The following KCTD8 variants were observed in gnomAD, a reference collection of about 807,000 sequenced individuals.
KCTD8 encodes the protein BTB/POZ domain-containing protein KCTD8.
Under a neutral mutation model 31.5 loss-of-function variants are expected in KCTD8, and 27 were observed. The observed-to-expected ratio is 0.86, with a 90% CI of 0.63 to 1.18. The LOEUF (loss-of-function observed/expected upper bound fraction) is 1.18, where lower values mean the gene tolerates loss of function less well. KCTD8 is among the 50% of genes most tolerant of loss of function. The pLI, the probability that KCTD8 is intolerant of heterozygous loss-of-function variation, is 0.00. For synonymous variants in KCTD8, 290 were observed against 280.0 expected, an observed-to-expected ratio of 1.04 and a Z score of -0.36; for missense variants, 658 against 647.7, an observed-to-expected ratio of 1.02 and a Z score of -0.17.
chr4:44,431,074 T>C (rs1208725214), intron 1 of KCTD8, among the ~76,000 whole-genome samples: 2 of 151,626 alleles, frequency 1.3e-5, no homozygotes, highest in Non-Finnish European at 3.0e-5. Flanking sequence ...TAACTTACAA[T>C]AGCAATAAAA....
At chr4:44,347,949 A>G (rs2109422824) in intron 1 of KCTD8, among the ~76,000 whole-genome samples, 1 of 152,260 alleles carries the variant, frequency 6.6e-6, no homozygotes, top group African/African-American at 2.4e-5. Context: ...ATAAGTCAGC[A>G]AGTTACCTTC....
At chr4:44,339,045 G>A (rs756310442) in intron 1 of KCTD8, among the ~76,000 whole-genome samples, 1 of 152,118 alleles carries the variant, frequency 6.6e-6, no homozygotes, top group African/African-American at 2.4e-5. Context: ...AAGGCCACAC[G>A]TAATATAGAA....
chr4:44,409,529 A>G (rs1720901018), intron 1 of KCTD8, among the ~76,000 whole-genome samples: 1 of 152,172 alleles, frequency 6.6e-6, no homozygotes, highest in African/African-American at 2.4e-5. Flanking sequence ...GGGGAAAGAA[A>G]GGCATTCAGA....
chr4:44,213,164 C>T (rs1463551621), intron 1 of KCTD8, among the ~76,000 whole-genome samples: 1 of 152,166 alleles, frequency 6.6e-6, no homozygotes, highest in East Asian at 1.9e-4. Flanking sequence ...TCTTGATCTC[C>T]TGACCTCGTG....
chr4:44,258,886 C>T (rs1467230402), intron 1 of KCTD8, among the ~76,000 whole-genome samples: 1 of 151,836 alleles, frequency 6.6e-6, no homozygotes, highest in Non-Finnish European at 1.5e-5. Flanking sequence ...ACCTCCCTCC[C>T]TATGTCTCAG....
chr4:44,359,772 A>G (rs1462657336), intron 1 of KCTD8, among the ~76,000 whole-genome samples: 1 of 152,126 alleles, frequency 6.6e-6, no homozygotes, highest in Non-Finnish European at 1.5e-5. Context: ...TAAGTTTAAA[A>G]TTCATCATGA....
chr4:44,257,891 T>C (rs1716034517), intron 1 of KCTD8, among the ~76,000 whole-genome samples: 2 of 151,972 alleles, frequency 1.3e-5, no homozygotes, highest in South Asian at 4.1e-4. Flanking sequence ...ATTTTATTAA[T>C]ATAAGATTGA....
At chr4:44,236,085 G>C (rs554533259) in intron 1 of KCTD8, among the ~76,000 whole-genome samples, 8 of 152,250 alleles carry the variant, frequency 5.3e-5, no homozygotes, top group Middle Eastern at 6.8e-3. Context: ...GAGAGTGCCT[G>C]CAACTGAGGA....
intron 1 of KCTD8, among the ~76,000 whole-genome samples, chr4:44,305,239 T>C (rs752245175): frequency 2.6e-5 from 4 of 151,510 alleles, no homozygotes; most frequent in Non-Finnish European, 4.4e-5. Context: ...AAATACGTGA[T>C]AGATATAAGT....
intron 1 of KCTD8, 37 bp downstream of exon 1, chr4:44,447,526 C>A (rs771159710): frequency 1.3e-6 from 2 of 1,496,134 alleles, no homozygotes; most frequent in Admixed American, 4.2e-5. Context: ...CAGCAGGGGG[C>A]GAGGGGTGCT....
At chr4:44,372,397 A>G (rs894065198) in intron 1 of KCTD8, among the ~76,000 whole-genome samples, 2 of 152,188 alleles carry the variant, frequency 1.3e-5, no homozygotes, top group African/African-American at 4.8e-5. Context: ...TGCTAAAGCT[A>G]CACTGAGGGT....
intron 1 of KCTD8, among the ~76,000 whole-genome samples, chr4:44,235,578 TAGAGAGAG>T (rs371875444): frequency 1.4e-4 from 9 of 64,118 alleles, no homozygotes; most frequent in Non-Finnish European, 1.3e-4. Context: ...TATATATATT[TAGAGAGAG>T]AGAGAGAGAG....
At chr4:44,329,982 C>T (rs1252014536) in intron 1 of KCTD8, among the ~76,000 whole-genome samples, 1 of 151,762 alleles carries the variant, frequency 6.6e-6, no homozygotes, top group East Asian at 1.9e-4. Flanking sequence ...TATCATGGAA[C>T]CTCATATCTC....
intron 1 of KCTD8, among the ~76,000 whole-genome samples, chr4:44,367,914 T>G (rs908073865): frequency 1.3e-5 from 2 of 151,586 alleles, no homozygotes; most frequent in African/African-American, 4.8e-5. Flanking sequence ...AAAAAAAAAC[T>G]TTTTCTTCAA....
At chr4:44,182,172 G>A (rs1041457884) in intron 1 of KCTD8, among the ~76,000 whole-genome samples, 3 of 151,390 alleles carry the variant, frequency 2.0e-5, no homozygotes, top group Admixed American at 6.6e-5. Context: ...GGGAGGTGGG[G>A]GGGCGCCTCC....
intron 1 of KCTD8, among the ~76,000 whole-genome samples, chr4:44,378,075 C>T (rs932695820): frequency 9.3e-5 from 14 of 150,542 alleles, no homozygotes; most frequent in African/African-American, 3.4e-4. Flanking sequence ...AAAACCAGAA[C>T]ACATAGTTAT....
chr4:44,217,393 G>A (rs570155296), intron 1 of KCTD8, among the ~76,000 whole-genome samples: 11 of 152,204 alleles, frequency 7.2e-5, no homozygotes, highest in Non-Finnish European at 1.6e-4. Context: ...GATTTTATTG[G>A]CTAAAAGAGA....
intron 1 of KCTD8, among the ~76,000 whole-genome samples, chr4:44,364,493 C>T (rs1719580522): frequency 2.0e-5 from 3 of 152,218 alleles, no homozygotes; most frequent in South Asian, 2.1e-4. Flanking sequence ...CAAAATTGTA[C>T]AGCCCTTTGG....
chr4:44,389,921 T>C (rs1218418552), intron 1 of KCTD8, among the ~76,000 whole-genome samples: 2 of 151,902 alleles, frequency 1.3e-5, no homozygotes, highest in African/African-American at 4.8e-5. Flanking sequence ...TTGTTGGTCA[T>C]GTGTGTATCT....
Sources: allele counts gnomAD v4.1 joint callset (sites outside exome capture counted in the v4.1 genomes callset), GRCh38; gene constraint gnomAD v4.1.1; transcripts MANE v1.5; gene names NCBI Gene and HGNC (gene_info 2026-07-23, HGNC 2026-07-21).